SCG3: variants seen among roughly 807,000 people sequenced by gnomAD.
SCG3 encodes secretogranin III, also known as secretogranin-3.
In SCG3, 38 loss-of-function variants were observed where a neutral mutation model predicts 56.2. The ratio of observed to expected loss-of-function variants is 0.68; its 90% CI spans 0.52 to 0.89. The LOEUF (loss-of-function observed/expected upper bound fraction) is 0.89. Ranked by LOEUF, SCG3 falls within the 40% of genes least tolerant of loss-of-function variation. The pLI, the probability that SCG3 is intolerant of heterozygous loss-of-function variation, is 0.00. For missense variants in SCG3, 524 were observed against 540.7 expected, an observed-to-expected ratio of 0.97 and a Z score of 0.31; for synonymous variants, 176 against 184.2, an observed-to-expected ratio of 0.96 and a Z score of 0.36.
intron 11 of SCG3, among the ~76,000 whole-genome samples, chr15:51,718,176 G>T (rs1301400786): frequency 1.4e-5 from 2 of 138,252 alleles, no homozygotes; most frequent in Non-Finnish European, 3.1e-5. Flanking sequence ...GTTAGATGAT[G>T]GATGGATGGA....
intron 8 of SCG3, 39 bp from the exon 9 acceptor site, chr15:51,699,280 C>A: frequency 7.0e-7 from 1 of 1,436,256 alleles, no homozygotes; most frequent in South Asian, 1.2e-5. Context: ...TGTCATCTCT[C>A]AGGGAATAAA....
chr15:51,719,806 T>C lies in SCG3; in HGVS notation c.*280T>C, dbSNP rs112250076. The C allele has an allele frequency of 6.1e-3, 2,147 of 354,678 alleles. 43 individuals are homozygous for C. Among genetic ancestry groups the C allele is most frequent in the African/African-American group, 0.043 (2,028 of 47,404 alleles). The allele number at this position is 354,678 out of a possible 1,614,324, so 22.0% of individuals were successfully genotyped here. Reference sequence around the variant, plus strand: ...GAATATGTTGCTTTGAAAAAGCCTCTAATGGACTGACCTTAAAACTCATCC... The same window carrying C: ...GAATATGTTGCTTTGAAAAAGCCTCCAATGGACTGACCTTAAAACTCATCC... On this transcript the variant is annotated 3_prime_UTR_variant, in exon 12 of 12. Transcript: ENST00000220478.
At chr15:51,709,661 CCATAT>C (rs2055399391) in intron 10 of SCG3, among the ~76,000 whole-genome samples, 1 of 47,590 alleles carries the variant, frequency 2.1e-5, no homozygotes, top group Non-Finnish European at 3.6e-5. Flanking sequence ...TAAATCTATG[CCATAT>C]ATATATATAT....
intron 10 of SCG3, among the ~76,000 whole-genome samples, chr15:51,701,665 T>C (rs2055340247): frequency 6.6e-6 from 1 of 152,220 alleles, no homozygotes; most frequent in Non-Finnish European, 1.5e-5. Context: ...GGCTCATGCC[T>C]GCAGTCCCAG....
At chr15:51,694,696 T>C (rs1207510563) in intron 7 of SCG3, among the ~76,000 whole-genome samples, 1 of 152,194 alleles carries the variant, frequency 6.6e-6, no homozygotes, top group Non-Finnish European at 1.5e-5. Flanking sequence ...TCATTATCCA[T>C]TTTGTTCCAT....
intron 10 of SCG3, among the ~76,000 whole-genome samples, chr15:51,709,687 ATATATATATATATATTTTTTTT>A (rs2055401740): frequency 7.9e-4 from 11 of 13,952 alleles, no homozygotes; most frequent in Non-Finnish European, 1.2e-3. Context: ...ATATATATAT[ATATATATATATATATTTTTTTT>A]TTTTTTTTTT....
chr15:51,701,280 T>G (rs1432312660), intron 10 of SCG3, 36 bp downstream of exon 10: 2 of 1,535,234 alleles, frequency 1.3e-6, no homozygotes, highest in Admixed American at 4.5e-5. Flanking sequence ...GCAATGAAAT[T>G]GGGAAAGCAA....
At chr15:51,682,479 C>A in intron 1 of SCG3, 38 bp from the exon 2 acceptor site, 1 of 1,137,306 alleles carries the variant, frequency 8.8e-7, no homozygotes, top group Non-Finnish European at 1.3e-6. Context: ...TGTCCTTCAA[C>A]GCACAATTAA....
intron 10 of SCG3, among the ~76,000 whole-genome samples, chr15:51,710,932 C>G (rs2055416841): frequency 6.6e-6 from 1 of 152,028 alleles, no homozygotes; most frequent in South Asian, 2.1e-4. Flanking sequence ...GTTGAGTTCC[C>G]TCCAAGGCAT....
At chr15:51,691,274 G>A (rs998696365) in intron 6 of SCG3, among the ~76,000 whole-genome samples, 7 of 152,218 alleles carry the variant, frequency 4.6e-5, no homozygotes, top group African/African-American at 1.2e-4. Context: ...AGCGCCTTAT[G>A]AGCCATGGAT....
At chr15:51,716,817 C>T (rs2055459475) in intron 11 of SCG3, among the ~76,000 whole-genome samples, 1 of 152,248 alleles carries the variant, frequency 6.6e-6, no homozygotes, top group Non-Finnish European at 1.5e-5. Flanking sequence ...GGTGAGGGCG[C>T]AGTCCCAAAA....
intron 4 of SCG3, among the ~76,000 whole-genome samples, chr15:51,685,427 T>A (rs2055222423): frequency 6.6e-6 from 1 of 152,226 alleles, no homozygotes; most frequent in Non-Finnish European, 1.5e-5. Flanking sequence ...ATTTTTTAAC[T>A]GTTCAACATT....
In SCG3 at chr15:51,720,528, G is replaced by C. The variant is rs1215807781; in HGVS notation, c.*1002G>C. On this transcript the variant is annotated 3_prime_UTR_variant, in exon 12 of 12. Coordinates refer to ENST00000220478, the MANE Select transcript of SCG3 (RefSeq NM_013243.4). ...ATGTTCCCAAACCAGAGAATGCTTT[G>C]AAAATGTATCATTCAGTGTAAATTA... The C allele has an allele frequency of 6.6e-6, 1 of 152,226 alleles. No homozygotes were observed. Among genetic ancestry groups the C allele is most frequent in the East Asian group, 1.9e-4 (1 of 5,204 alleles). The allele number at this position is 152,226 out of a possible 1,614,324, so 9.4% of individuals were successfully genotyped here.
Position 51,720,521 on chromosome 15 carries a change from A to C in SCG3, c.*995A>C, listed in dbSNP as rs1188588388. ...ATGGTTAATGTTCCCAAACCAGAGA[A>C]TGCTTTGAAAATGTATCATTCAGTG... On this transcript the variant is annotated 3_prime_UTR_variant, in exon 12 of 12. Coordinates refer to ENST00000220478, the MANE Select transcript of SCG3 (RefSeq NM_013243.4). 1 of 152,272 alleles carries C rather than the reference A, an allele frequency of 6.6e-6. No homozygotes were observed. Among genetic ancestry groups the C allele is most frequent in the Non-Finnish European group, 1.5e-5 (1 of 68,048 alleles). The allele number at this position is 152,272 out of a possible 1,614,324, so 9.4% of individuals were successfully genotyped here.
intron 10 of SCG3, among the ~76,000 whole-genome samples, chr15:51,703,929 A>G (rs999102327): frequency 1.3e-5 from 2 of 151,900 alleles, no homozygotes; most frequent in African/African-American, 2.4e-5. Flanking sequence ...TACATTTCCT[A>G]CATTGTACAT....
chr15:51,683,465 C>T (rs747979585), intron 4 of SCG3, 31 bp downstream of exon 4: 43 of 1,413,956 alleles, frequency 3.0e-5, no homozygotes, highest in East Asian at 2.5e-4. Context: ...TTTTTGTTAA[C>T]GTGGAGTTTC....
rs1210744196 is a variant in SCG3 at position 51,704,274 on chromosome 15, TATATAA to T, written c.1207+3032_1207+3037del. On this transcript the variant is annotated intron_variant, in intron 10 of 11. Coordinates refer to ENST00000220478, the MANE Select transcript of SCG3 (RefSeq NM_013243.4). The stretch of plus-strand genomic sequence containing the variant: ...ATATATATATATATATATATATATA[TATATAA>T]AATAGCTCTTTTTTGAAATTGTGGT... Among the ~76,000 whole-genome samples, 9 of 133,946 alleles carry T rather than the reference TATATAA, an allele frequency of 6.7e-5. No homozygotes were observed. In the East Asian group the frequency reaches 7.9e-4, roughly 12 times the overall value. 87.9% of individuals were successfully genotyped at this position (133,946 alleles called of 152,430 possible). A position where few individuals can be genotyped will look rare whatever the true frequency, so the allele number is the denominator to read the frequency against.
chr15:51,707,794 T>A (rs2055385730), intron 10 of SCG3, among the ~76,000 whole-genome samples: 1 of 152,226 alleles, frequency 6.6e-6, no homozygotes, highest in South Asian at 2.1e-4. Flanking sequence ...TCAGCACCCA[T>A]GCGTCAGTAT....
intron 11 of SCG3, among the ~76,000 whole-genome samples, chr15:51,714,731 A>T (rs2055442400): frequency 6.6e-6 from 1 of 152,216 alleles, no homozygotes; most frequent in Non-Finnish European, 1.5e-5. Flanking sequence ...GAGATACAGC[A>T]CAGAGGGAGA....
Sources: allele counts gnomAD v4.1 joint callset (sites outside exome capture counted in the v4.1 genomes callset), GRCh38; gene constraint gnomAD v4.1.1; transcripts MANE v1.5; gene names NCBI Gene and HGNC (gene_info 2026-07-23, HGNC 2026-07-21).